The following GRID2 variants were observed in gnomAD, a reference collection of about 807,000 sequenced individuals.
GRID2 encodes the protein glutamate ionotropic receptor delta type subunit 2, also known as glutamate receptor ionotropic, delta-2.
A neutral mutation model predicts 114.8 loss-of-function variants in GRID2; 33 were observed. That is an observed-to-expected ratio of 0.29 (90% CI 0.22 to 0.38). The LOEUF is 0.38. Among genes scored for constraint, GRID2 ranks in the 10% least tolerant of loss-of-function variants. GRID2 has a pLI of 1.00. For missense variants in GRID2, 1,184 were observed against 1,257.7 expected (o/e 0.94, Z 0.89); for synonymous variants, 505 against 449.9 (o/e 1.12, Z -1.55).
chr4:92,954,234 CATAT>C (rs543206675), intron 2 of GRID2, among the ~76,000 whole-genome samples: 3 of 151,730 alleles, frequency 2.0e-5, no homozygotes, highest in East Asian at 1.9e-4. Flanking sequence ...TATACACACA[CATAT>C]ATATATACAA....
At chr4:92,502,862 C>T (rs540654143) in intron 1 of GRID2, among the ~76,000 whole-genome samples, 5 of 151,754 alleles carry the variant, frequency 3.3e-5, no homozygotes, top group East Asian at 1.9e-4. Flanking sequence ...GGATTATAGG[C>T]GCCTGCCACC....
intron 1 of GRID2, among the ~76,000 whole-genome samples, chr4:92,379,563 A>G (rs1197512622): frequency 2.0e-5 from 3 of 152,024 alleles, no homozygotes; most frequent in African/African-American, 7.2e-5. Context: ...ATGGAGATAT[A>G]TGGCGGGGTT....
At chr4:92,715,362 A>G (rs1735487200) in intron 2 of GRID2, among the ~76,000 whole-genome samples, 1 of 152,108 alleles carries the variant, frequency 6.6e-6, no homozygotes, top group Non-Finnish European at 1.5e-5. Flanking sequence ...AAACACTCCC[A>G]CATTTTCCTG....
intron 11 of GRID2, among the ~76,000 whole-genome samples, chr4:93,487,529 A>G: frequency 6.6e-6 from 1 of 151,490 alleles, no homozygotes; most frequent in East Asian, 2.0e-4. Flanking sequence ...ATTTTCTTTG[A>G]CCCATGACTT....
At chr4:92,927,681 G>A (rs1749915004) in intron 2 of GRID2, among the ~76,000 whole-genome samples, 1 of 151,706 alleles carries the variant, frequency 6.6e-6, no homozygotes, top group Non-Finnish European at 1.5e-5. Flanking sequence ...TTATCCAAAA[G>A]ACAGAGCCAT....
intron 14 of GRID2, among the ~76,000 whole-genome samples, chr4:93,740,871 T>C (rs1731305562): frequency 6.6e-6 from 1 of 151,820 alleles, no homozygotes; most frequent in Non-Finnish European, 1.5e-5. Flanking sequence ...TCTACTATTT[T>C]TTTTTTTTTA....
At chr4:92,623,205 G>A (rs1336886940) in intron 2 of GRID2, among the ~76,000 whole-genome samples, 2 of 151,464 alleles carry the variant, frequency 1.3e-5, no homozygotes, top group Non-Finnish European at 3.0e-5. Flanking sequence ...AAGGCAATAT[G>A]TTCAATTAAT....
At chr4:92,713,100 CTCA>C (rs1357298892) in intron 2 of GRID2, among the ~76,000 whole-genome samples, 1 of 151,506 alleles carries the variant, frequency 6.6e-6, no homozygotes, top group Non-Finnish European at 1.5e-5. Flanking sequence ...CACCCACTAA[CTCA>C]TCATTTAACA....
intron 2 of GRID2, among the ~76,000 whole-genome samples, chr4:92,648,490 A>G (rs1731755844): frequency 6.7e-6 from 1 of 149,902 alleles, no homozygotes; most frequent in South Asian, 2.1e-4. Context: ...TTTATCAAGC[A>G]CTTAGCATGT....
intron 1 of GRID2, among the ~76,000 whole-genome samples, chr4:92,336,009 A>C (rs1219066239): frequency 6.6e-6 from 1 of 152,192 alleles, no homozygotes; most frequent in Non-Finnish European, 1.5e-5. Context: ...GCATAATTTT[A>C]TTATTTAGGG....
intron 11 of GRID2, among the ~76,000 whole-genome samples, chr4:93,484,170 A>G (rs1050296934): frequency 4.0e-5 from 6 of 151,886 alleles, no homozygotes; most frequent in African/African-American, 1.4e-4. Flanking sequence ...GTGCAGCTCA[A>G]TGAATTACCA....
At chr4:92,374,556 CTA>C (rs1180839824) in intron 1 of GRID2, among the ~76,000 whole-genome samples, 1 of 152,108 alleles carries the variant, frequency 6.6e-6, no homozygotes, top group Non-Finnish European at 1.5e-5. Context: ...GCCGTGGTCA[CTA>C]TATGTGGCTC....
chr4:93,535,424 T>G (rs957291753), intron 13 of GRID2, among the ~76,000 whole-genome samples: 5 of 152,086 alleles, frequency 3.3e-5, no homozygotes, highest in East Asian at 1.9e-4. Context: ...GAAATGGGAT[T>G]GCTAACTCAT....
intron 3 of GRID2, among the ~76,000 whole-genome samples, chr4:93,090,068 A>G (rs943210743): frequency 1.3e-5 from 2 of 152,172 alleles, no homozygotes; most frequent in African/African-American, 4.8e-5. Context: ...ATAATGTAAT[A>G]GTCACATTCT....
chr4:92,760,742 C>G (rs1031312925), intron 2 of GRID2, among the ~76,000 whole-genome samples: 20 of 152,160 alleles, frequency 1.3e-4, no homozygotes. Flanking sequence ...ATGCTGCAAA[C>G]TAAAAAGCAC....
intron 13 of GRID2, among the ~76,000 whole-genome samples, chr4:93,582,180 CT>C (rs1283692101): frequency 6.6e-6 from 1 of 152,078 alleles, no homozygotes; most frequent in Non-Finnish European, 1.5e-5. Flanking sequence ...AGCCCATTCC[CT>C]TGTCTTTTTC....
intron 2 of GRID2, among the ~76,000 whole-genome samples, chr4:92,657,166 A>C (rs2149266297): frequency 6.6e-6 from 1 of 150,992 alleles, no homozygotes; most frequent in African/African-American, 2.4e-5. Context: ...GGGCATTTGA[A>C]AAGTTGGTGG....
chr4:92,596,258 G>A (rs920144594), intron 2 of GRID2, among the ~76,000 whole-genome samples: 5 of 150,026 alleles, frequency 3.3e-5, no homozygotes, highest in East Asian at 2.0e-4. Flanking sequence ...TCATCCATTC[G>A]TTCATTTATT....
At chr4:93,591,651 C>T (rs141656540) in intron 13 of GRID2, among the ~76,000 whole-genome samples, 144,298 of 151,458 alleles carry the variant, frequency 0.95, 68,831 homozygotes, top group East Asian at 1. Flanking sequence ...CTCCTTGTAC[C>T]TCTGGTAGAA....
Sources: allele counts gnomAD v4.1 joint callset (sites outside exome capture counted in the v4.1 genomes callset), GRCh38; gene constraint gnomAD v4.1.1; transcripts MANE v1.5; gene names NCBI Gene and HGNC (gene_info 2026-07-23, HGNC 2026-07-21).